The following GFPT1 variants were observed in gnomAD, a reference collection of about 807,000 sequenced individuals.
GFPT1 encodes the protein glutamine--fructose-6-phosphate transaminase 1.
In GFPT1, 40 loss-of-function variants were observed where a neutral mutation model predicts 92.0. That is an observed-to-expected ratio of 0.43 (90% CI 0.34 to 0.57). The LOEUF is 0.57. Among genes scored for constraint, GFPT1 ranks in the 20% least tolerant of loss-of-function variants. The pLI is 0.02. For synonymous variants in GFPT1, 269 were observed against 280.6 expected, an observed-to-expected ratio of 0.96 and a Z score of 0.41; for missense variants, 448 against 869.1, an observed-to-expected ratio of 0.52 and a Z score of 6.09.
rs1671531617 is a variant in GFPT1, at chr2:69,363,533, A to G, written c.349+12T>C. On this transcript the variant is annotated intron_variant, in intron 4 of 19. Transcript: ENST00000357308. ...CCACAATCATTCCAAAGCACAAAAA[A>G]TCTTTCCATACCATTATTTTTATCA... is the stretch of plus-strand genomic sequence containing the variant. The G allele has an allele frequency of 6.2e-7, 1 of 1,613,798 alleles. No homozygotes were observed.
At chr2:69,337,861 A>C (rs1347497569) in intron 15 of GFPT1, 37 bp downstream of exon 15, 1 of 1,565,362 alleles carries the variant, frequency 6.4e-7, no homozygotes, top group South Asian at 1.1e-5. Flanking sequence ...TGACACTATG[A>C]TTAAATAATC....
At chr2:69,329,141 T>G (rs1670600138) in intron 17 of GFPT1, among the ~76,000 whole-genome samples, 156 bp downstream of exon 17, 1 of 152,256 alleles carries the variant, frequency 6.6e-6, no homozygotes, top group South Asian at 2.1e-4. Context: ...AACAGAGTTC[T>G]CTGTTGCACT....
At chr2:69,346,518 G>A (rs1030431954) in intron 11 of GFPT1, among the ~76,000 whole-genome samples, 5 of 152,058 alleles carry the variant, frequency 3.3e-5, no homozygotes, top group African/African-American at 1.2e-4. Flanking sequence ...GATTACAGGC[G>A]TGAGCCACCG....
intron 7 of GFPT1, among the ~76,000 whole-genome samples, chr2:69,354,798 C>T (rs1671296337): frequency 6.6e-6 from 1 of 152,168 alleles, no homozygotes; most frequent in Non-Finnish European, 1.5e-5. Context: ...AGGCAGATCA[C>T]TTGAGCCCAC....
chr2:69,355,038 C>T (rs1671303164), intron 7 of GFPT1, among the ~76,000 whole-genome samples: 1 of 152,116 alleles, frequency 6.6e-6, no homozygotes, highest in South Asian at 2.1e-4. Context: ...GCAAACTGAC[C>T]TGCAGCCCCA....
chr2:69,335,153 C>T (rs56339610), intron 15 of GFPT1, among the ~76,000 whole-genome samples: 66,943 of 151,538 alleles, frequency 0.44, 15,086 homozygotes, highest in African/African-American at 0.53. Flanking sequence ...ACTACACGCA[C>T]GCACCACCAT....
chr2:69,332,798 G>A (rs763315330), intron 15 of GFPT1, among the ~76,000 whole-genome samples: 53 of 151,990 alleles, frequency 3.5e-4, no homozygotes, highest in Non-Finnish European at 5.0e-4. Flanking sequence ...GTGTGTGCGC[G>A]CGCGGATTAT....
chr2:69,380,794 T>C (rs1218733088), intron 1 of GFPT1, among the ~76,000 whole-genome samples: 3 of 152,150 alleles, frequency 2.0e-5, no homozygotes, highest in Non-Finnish European at 4.4e-5. Flanking sequence ...ATCTATCCTA[T>C]CCATTTCGGT....
At chr2:69,327,111 T>C (rs903890228) in intron 18 of GFPT1, 36 bp from the exon 19 acceptor site, 9 of 1,605,560 alleles carry the variant, frequency 5.6e-6, no homozygotes, top group Non-Finnish European at 7.7e-6. Context: ...ACAACATCAC[T>C]GGTGGGCAAA....
In GFPT1 at chr2:69,321,291, T is replaced by C. The variant is rs1275260919; in HGVS notation, c.*4898A>G. 6.6e-6 allele frequency: 1 copy of C among 152,246 alleles called. No homozygotes were observed. Among genetic ancestry groups the C allele is most frequent in the South Asian group, 2.1e-4 (1 of 4,836 alleles). 9.4% of individuals were successfully genotyped at this position (152,246 alleles called of 1,614,324 possible). A position where few individuals can be genotyped will look rare whatever the true frequency, so the allele number is the denominator to read the frequency against. ...GAAAGGGCAGAGCCTTTGTTTTATCTAACGATTCTTTCCCAAACTGGGAAG... is the reference window on the plus strand; with the variant it reads ...GAAAGGGCAGAGCCTTTGTTTTATCCAACGATTCTTTCCCAAACTGGGAAG... On this transcript the variant is annotated 3_prime_UTR_variant, in exon 20 of 20. Coordinates refer to ENST00000357308, the MANE Select transcript of GFPT1 (RefSeq NM_001244710.2).
Position 69,328,355 on chromosome 2 carries a change from T to C in GFPT1, c.1809A>G (p.Lys603=). 6.2e-7 allele frequency: 1 copy of C among 1,613,228 alleles called. No individual in the cohort carries two copies. Among genetic ancestry groups the C allele is most frequent in the Non-Finnish European group, 8.5e-7 (1 of 1,179,212 alleles). ...LKHGPLALVD[K]LMPVIMIIMR... is the part of the protein sequence containing the mutation. ...TGATGATCATGATCACAGGCATCAA[T>C]TTATCCACCAAAGCCAGAGGGCCAT... The change falls in exon 18 of 20, where the codon AAA becomes AAG. Residue 603 remains lysine, a synonymous_variant. Transcript: ENST00000357308.
At position 69,334,152 on chromosome 2, in the gene GFPT1, A is replaced by G. The variant is rs560128134; in HGVS notation, c.1482+3746T>C. On this transcript the variant is annotated intron_variant, in intron 15 of 19. Coordinates refer to ENST00000357308, the MANE Select transcript of GFPT1 (RefSeq NM_001244710.2). ...GCCTGGGCAACAAGAGCAAAACTCC[A>G]TCTCAAAATAATAATAATAATAGTA... is the stretch of plus-strand genomic sequence containing the variant. 5.3e-5 allele frequency among the ~76,000 whole-genome samples: 8 copies of G among 152,056 alleles called. No individual in the cohort carries two copies. The South Asian group carries it at 1.7e-3, about 32-fold the overall frequency.
At position 69,350,199 on chromosome 2, in the gene GFPT1, A is replaced by T. The variant is rs749648987; in HGVS notation, c.740-16T>A. 8 of 1,521,578 alleles carry T rather than the reference A, an allele frequency of 5.3e-6. No individual in the cohort carries two copies. The highest frequency in any genetic ancestry group is 7.3e-6 in the Non-Finnish European group (8 of 1,095,654). The allele number at this position is 1,521,578 out of a possible 1,614,324, so 94.3% of individuals were successfully genotyped here. A position where few individuals can be genotyped will look rare whatever the true frequency, so the allele number is the denominator to read the frequency against. On this transcript the variant is annotated splice_polypyrimidine_tract_variant and intron_variant, in intron 9 of 19. Coordinates refer to ENST00000357308, the MANE Select transcript of GFPT1 (RefSeq NM_001244710.2). ...TTGTCTTTGCCTAAAGCATATAGTTAACATGAATTGGCAAACATGTAGAAA... is the reference window on the plus strand; with the variant it reads ...TTGTCTTTGCCTAAAGCATATAGTTTACATGAATTGGCAAACATGTAGAAA...
chr2:69,341,115 C>T (rs1410302174), intron 13 of GFPT1, among the ~76,000 whole-genome samples: 3 of 151,782 alleles, frequency 2.0e-5, no homozygotes, highest in African/African-American at 7.3e-5. Context: ...GTTGCCACCA[C>T]ACCCCGATAA....
intron 3 of GFPT1, among the ~76,000 whole-genome samples, chr2:69,363,936 G>A (rs559940538): frequency 1.6e-3 from 244 of 152,192 alleles, no homozygotes; most frequent in African/African-American, 5.2e-3. Context: ...CCAACATGGG[G>A]AAACCCCATC....
At position 69,359,311 on chromosome 2, in the gene GFPT1, T is replaced by G; in HGVS notation, c.365A>C (p.His122Pro). 1 of 1,574,966 alleles carries G rather than the reference T, an allele frequency of 6.3e-7. No homozygotes were observed. Among genetic ancestry groups the G allele is most frequent in the Non-Finnish European group, 8.7e-7 (1 of 1,145,664 alleles). ...SDKNNEFIVIHNGIITNYKDL... is the reference protein window; with the variant it reads ...SDKNNEFIVIPNGIITNYKDL... The stretch of plus-strand genomic sequence containing the variant: ...TTTGTAGTTGGTGATGATTCCATTG[T>G]GAATAACGATAAATTCTAAAAGAGG... Residue 122 changes from histidine (H) to proline (P), a missense_variant, in exon 5 of 20, where the codon CAC becomes CCC. Around this residue, in one of 7 missense-constraint regions of GFPT1, gnomAD observed 118 missense variants for 192.9 expected, o/e 0.61. Coordinates refer to ENST00000357308, the MANE Select transcript of GFPT1 (RefSeq NM_001244710.2).
chr2:69,377,248 A>T (rs1428139842), intron 1 of GFPT1, among the ~76,000 whole-genome samples: 1 of 151,256 alleles, frequency 6.6e-6, no homozygotes, highest in South Asian at 2.1e-4. Context: ...TGCAATATTA[A>T]ATTCACTGTT....
intron 15 of GFPT1, among the ~76,000 whole-genome samples, chr2:69,330,226 T>G (rs1670628220): frequency 6.6e-6 from 1 of 152,024 alleles, no homozygotes; most frequent in South Asian, 2.1e-4. Context: ...TAAACTATCT[T>G]AGTAACAGTG....
chr2:69,332,967 T>C (rs765252725), intron 15 of GFPT1, among the ~76,000 whole-genome samples: 1 of 152,252 alleles, frequency 6.6e-6, no homozygotes, highest in African/African-American at 2.4e-5. Context: ...CCTGCTGGAC[T>C]TCCCAGCCTC....
Sources: allele counts gnomAD v4.1 joint callset (sites outside exome capture counted in the v4.1 genomes callset), GRCh38; gene constraint gnomAD v4.1.1; regional missense constraint gnomAD v4.1.1; transcripts MANE v1.5; gene names NCBI Gene and HGNC (gene_info 2026-07-23, HGNC 2026-07-21).